SLC16A7: variants seen among roughly 807,000 people sequenced by gnomAD.
SLC16A7 encodes the protein monocarboxylate transporter 2.
SLC16A7 carries 33 observed loss-of-function variants against 34.9 expected under a neutral mutation model. The observed-to-expected ratio is 0.94, with a 90% CI of 0.72 to 1.26. The LOEUF is 1.26. SLC16A7 is among the 50% of genes most tolerant of loss of function. The pLI, the probability that SLC16A7 is intolerant of heterozygous loss-of-function variation, is 0.00. For synonymous variants in SLC16A7, 201 were observed against 206.6 expected, an observed-to-expected ratio of 0.97 and a Z score of 0.23; for missense variants, 573 against 578.1, an observed-to-expected ratio of 0.99 and a Z score of 0.09.
chr12:59,771,471 T>A (rs973703844), intron 4 of SLC16A7, 109 bp downstream of exon 4: 3 of 768,068 alleles, frequency 3.9e-6, no homozygotes, highest in African/African-American at 1.8e-5. Flanking sequence ...TATTTTTTTA[T>A]AAACAATGCA....
At chr12:59,660,091 T>G (rs1018551455) in intron 2 of SLC16A7, among the ~76,000 whole-genome samples, 17 of 152,144 alleles carry the variant, frequency 1.1e-4, no homozygotes, top group African/African-American at 4.1e-4. Flanking sequence ...TTTTGCTTCT[T>G]CTTCTTCTTT....
chr12:59,727,013 A>G (rs908650175), intron 3 of SLC16A7, among the ~76,000 whole-genome samples: 1 of 151,974 alleles, frequency 6.6e-6, no homozygotes, highest in African/African-American at 2.4e-5. Flanking sequence ...CTAAAGAAGG[A>G]TGACAATCAA....
rs796424563 is a variant in SLC16A7 at position 59,757,646 on chromosome 12, GCCTGCCTCT to G, written c.218-13555_218-13547del. Among the ~76,000 whole-genome samples, 204 of 152,056 alleles carry G rather than the reference GCCTGCCTCT, an allele frequency of 1.3e-3. 3 individuals carry two copies. Among genetic ancestry groups the G allele is most frequent in the African/African-American group, 4.4e-3 (182 of 41,498 alleles). ...GTATTTTCACAAAGTTACACCGTGT[GCCTGCCTCT>G]CCTGCCTCTCCTGCCTCCCCTTCCA... On this transcript the variant is annotated intron_variant, in intron 3 of 5. Coordinates refer to ENST00000547379, the MANE Select transcript of SLC16A7 (RefSeq NM_001270623.2).
intron 3 of SLC16A7, among the ~76,000 whole-genome samples, chr12:59,752,117 C>G (rs1410288530): frequency 6.6e-6 from 1 of 151,972 alleles, no homozygotes; most frequent in Non-Finnish European, 1.5e-5. Flanking sequence ...ACATCACCAT[C>G]ATCAAAGACC....
In SLC16A7 at chr12:59,781,260, T is replaced by C. The variant is rs1318362743; in HGVS notation, c.*1581T>C. ...TGACTAAAGTTATAAATACAATATT[T>C]ATATCTATAAATCTGAAGTTTAACA... On this transcript the variant is annotated 3_prime_UTR_variant, in exon 6 of 6. Coordinates refer to ENST00000547379, the MANE Select transcript of SLC16A7 (RefSeq NM_001270623.2). The C allele has an allele frequency of 4.0e-5, 6 of 151,874 alleles. No homozygotes were observed. The South Asian group carries it at 6.3e-4, about 16-fold the overall frequency. 9.4% of individuals were successfully genotyped at this position (151,874 alleles called of 1,614,324 possible). A position where few individuals can be genotyped will look rare whatever the true frequency, so the allele number is the denominator to read the frequency against.
intron 3 of SLC16A7, among the ~76,000 whole-genome samples, chr12:59,716,292 A>C (rs1469432953): frequency 2.0e-5 from 3 of 152,148 alleles, no homozygotes; most frequent in Non-Finnish European, 2.9e-5. Flanking sequence ...GCACCCCAGG[A>C]AATGAGTGTG....
intron 2 of SLC16A7, among the ~76,000 whole-genome samples, chr12:59,671,888 TGTAC>T (rs1229867272): frequency 8.3e-5 from 11 of 132,802 alleles, no homozygotes; most frequent in African/African-American, 2.5e-4. Context: ...TATGTATATA[TGTAC>T]ATATGTATAT....
Position 59,775,388 on chromosome 12 carries a change from C to T in SLC16A7, c.1093C>T (p.Leu365Phe). 1.2e-6 allele frequency: 2 copies of T among 1,614,048 alleles called. No individual in the cohort carries two copies. Among genetic ancestry groups the T allele is most frequent in the Non-Finnish European group, 1.7e-6 (2 of 1,179,976 alleles). The change falls in exon 5 of 6, where the codon CTC becomes TTC. Residue 365 changes from leucine to phenylalanine, a missense_variant. Coordinates refer to ENST00000547379, the MANE Select transcript of SLC16A7 (RefSeq NM_001270623.2). ...TGTTCTCTTTGAAACTCTCATGGAC[C>T]TCGTGGGTGCACCAAGATTTTCCAG... ...SSVLFETLMD[L>F]VGAPRFSSAV...
intron 1 of SLC16A7, among the ~76,000 whole-genome samples, chr12:59,653,153 A>C (rs1868375797): frequency 6.6e-6 from 1 of 151,858 alleles, no homozygotes. Context: ...ATTTTTGCAG[A>C]ACAAAATACT....
intron 1 of SLC16A7, among the ~76,000 whole-genome samples, chr12:59,631,238 C>T (rs533068479): frequency 6.6e-6 from 1 of 152,052 alleles, no homozygotes; most frequent in African/African-American, 2.4e-5. Flanking sequence ...TCTTCTGCTG[C>T]TAGAATAGGC....
rs778017723 is a variant in SLC16A7, at chr12:59,779,603, C to A, written c.1361C>A (p.Ser454Tyr). The A allele has an allele frequency of 6.2e-7, 1 of 1,611,666 alleles. No homozygotes were observed. The highest frequency in any genetic ancestry group is 2.2e-5 in the East Asian group (1 of 44,774). ...KTRESEPLSK[S>Y]KHSEDVNVKV... ...AGAGAATCTGAACCCTTGAGCAAAT[C>A]TAAACATTCGGAAGATGTTAACGTC... Residue 454 changes from serine (S) to tyrosine (Y), a missense_variant, in exon 6 of 6, where the codon TCT becomes TAT. Coordinates refer to ENST00000547379, the MANE Select transcript of SLC16A7 (RefSeq NM_001270623.2).
intron 4 of SLC16A7, among the ~76,000 whole-genome samples, chr12:59,773,260 G>A (rs553820478): frequency 6.6e-6 from 1 of 152,096 alleles, no homozygotes; most frequent in Non-Finnish European, 1.5e-5. Flanking sequence ...TATGGCTGAG[G>A]TATAGCGTTA....
intron 1 of SLC16A7, among the ~76,000 whole-genome samples, chr12:59,603,994 C>T (rs1878816320): frequency 6.6e-6 from 1 of 152,224 alleles, no homozygotes; most frequent in South Asian, 2.1e-4. Flanking sequence ...ATGACATACT[C>T]TACCAATGTG....
intron 2 of SLC16A7, among the ~76,000 whole-genome samples, chr12:59,701,615 T>G (rs1439261460): frequency 1.0e-4 from 15 of 150,720 alleles, no homozygotes; most frequent in Admixed American, 4.0e-4. Context: ...GCTGGGAAAA[T>G]TCTAATTCAT....
At chr12:59,639,804 T>G (rs1267812926) in intron 1 of SLC16A7, among the ~76,000 whole-genome samples, 1 of 152,164 alleles carries the variant, frequency 6.6e-6, no homozygotes, top group African/African-American at 2.4e-5. Flanking sequence ...ACAATTTAAC[T>G]CAATTCTTAT....
At position 59,779,531 on chromosome 12, in the gene SLC16A7, GA is replaced by G. The variant is rs757823667; in HGVS notation, c.1290del (p.Arg430SerfsTer22). The G allele has an allele frequency of 6.2e-7, 1 of 1,612,822 alleles. No individual in the cohort carries two copies. The highest frequency in any genetic ancestry group is 1.3e-5 in the African/African-American group (1 of 74,874). On this transcript the variant is annotated frameshift_variant, in exon 6 of 6. Coordinates refer to ENST00000547379, the MANE Select transcript of SLC16A7 (RefSeq NM_001270623.2). LOFTEE classifies it high-confidence loss of function. ...WLLIGNAINY[R>X]LLAKERKEEN... The stretch of plus-strand genomic sequence containing the variant: ...CTCATTGGCAATGCTATCAACTATA[GA>G]TTGCTTGCAAAGGAAAGGAAGGAGG...
intron 1 of SLC16A7, among the ~76,000 whole-genome samples, chr12:59,638,800 C>G (rs1880548219): frequency 6.6e-6 from 1 of 152,096 alleles, no homozygotes; most frequent in Admixed American, 6.6e-5. Context: ...GTTATTACAT[C>G]TTTACTATTA....
intron 3 of SLC16A7, among the ~76,000 whole-genome samples, chr12:59,716,146 A>C (rs1874869818): frequency 6.6e-6 from 1 of 152,170 alleles, no homozygotes; most frequent in African/African-American, 2.4e-5. Flanking sequence ...CACAGCCTTG[A>C]ATTATTCTGA....
At chr12:59,750,996 G>A (rs1879466136) in intron 3 of SLC16A7, among the ~76,000 whole-genome samples, 1 of 151,468 alleles carries the variant, frequency 6.6e-6, no homozygotes, top group Non-Finnish European at 1.5e-5. Context: ...TCACTCACAA[G>A]TGGGAGTTGA....
Sources: allele counts gnomAD v4.1 joint callset (sites outside exome capture counted in the v4.1 genomes callset), GRCh38; gene constraint gnomAD v4.1.1; transcripts MANE v1.5; gene names NCBI Gene and HGNC (gene_info 2026-07-23, HGNC 2026-07-21).